The following NXPH1 variants were observed in gnomAD, a reference collection of about 807,000 sequenced individuals.
The protein encoded by NXPH1 is neurexophilin 1.
Under a neutral mutation model 23.7 loss-of-function variants are expected in NXPH1, and 5 were observed. That is an observed-to-expected ratio of 0.21 (90% confidence interval 0.11 to 0.44). NXPH1 has a LOEUF of 0.44. Ranked by LOEUF, NXPH1 falls within the 20% of genes least tolerant of loss-of-function variation. The probability of loss-of-function intolerance (pLI) is 0.99; values close to 1 mark genes in which losing one functional copy is unlikely to be tolerated. For missense variants in NXPH1, 324 were observed against 321.6 expected (o/e 1.01, Z -0.06); for synonymous variants, 144 against 122.2 (o/e 1.18, Z -1.18).
chr7:8,706,083 C>A (rs779824009), intron 2 of NXPH1, among the ~76,000 whole-genome samples: 3 of 152,130 alleles, frequency 2.0e-5, no homozygotes, highest in Non-Finnish European at 4.4e-5. Context: ...TTCTTAAAAA[C>A]CCTTATAGGA....
In NXPH1 at chr7:8,625,085, A is replaced by G. The variant is rs148295127; in HGVS notation, c.55-125923A>G. On this transcript the variant is annotated intron_variant, in intron 2 of 2. Transcript: ENST00000405863. The stretch of plus-strand genomic sequence containing the variant: ...ATTGTAGTGTCATTTTCAGCTTCCT[A>G]TGTGTCACAGTTGCTTTGACTATAG... Among the ~76,000 whole-genome samples the G allele has an allele frequency of 4.1e-3, 627 of 152,202 alleles. 3 individuals are homozygous for G. The highest frequency in any genetic ancestry group is 0.014 in the African/African-American group (600 of 41,546).
chr7:8,527,360 G>T (rs187381254), intron 2 of NXPH1, among the ~76,000 whole-genome samples: 69 of 152,332 alleles, frequency 4.5e-4, no homozygotes, highest in Admixed American at 1.2e-3. Context: ...GGGGCACTCA[G>T]TGAAGCTCAG....
intron 2 of NXPH1, among the ~76,000 whole-genome samples, chr7:8,581,794 G>T (rs772586392): frequency 6.6e-6 from 1 of 152,124 alleles, no homozygotes; most frequent in Admixed American, 6.5e-5. Context: ...GGGAGGGAGA[G>T]TACAGGAGGT....
intron 2 of NXPH1, among the ~76,000 whole-genome samples, chr7:8,707,350 T>C (rs946230108): frequency 1.3e-5 from 2 of 152,180 alleles, no homozygotes; most frequent in Non-Finnish European, 2.9e-5. Context: ...CAACATTTCC[T>C]ATGTATTTAC....
chr7:8,448,818 GAAAAA>G (rs34098217), intron 2 of NXPH1, among the ~76,000 whole-genome samples: 4 of 106,062 alleles, frequency 3.8e-5, no homozygotes, highest in African/African-American at 1.4e-4. Context: ...TCGTCTCGGG[GAAAAA>G]AAAAAAAAAA....
chr7:8,597,475 G>A (rs561583927), intron 2 of NXPH1, among the ~76,000 whole-genome samples: 2 of 151,942 alleles, frequency 1.3e-5, no homozygotes, highest in Non-Finnish European at 2.9e-5. Flanking sequence ...AATAAAGGTT[G>A]TACAATTACT....
At chr7:8,436,627 TGGGAATGG>T (rs1377379099) in intron 2 of NXPH1, among the ~76,000 whole-genome samples, 1 of 151,528 alleles carries the variant, frequency 6.6e-6, no homozygotes, top group African/African-American at 2.4e-5. Context: ...GCTTCTGGGG[TGGGAATGG>T]GGGAATGGGG....
At chr7:8,469,269 T>C (rs1476188765) in intron 2 of NXPH1, among the ~76,000 whole-genome samples, 2 of 152,068 alleles carry the variant, frequency 1.3e-5, no homozygotes, top group African/African-American at 2.4e-5. Flanking sequence ...CATGAATTTA[T>C]CTAGACTTTG....
At chr7:8,646,802 T>C (rs967106190) in intron 2 of NXPH1, among the ~76,000 whole-genome samples, 1 of 152,138 alleles carries the variant, frequency 6.6e-6, no homozygotes, top group African/African-American at 2.4e-5. Flanking sequence ...TTATGTTTAT[T>C]ATTTATTTTT....
intron 2 of NXPH1, among the ~76,000 whole-genome samples, chr7:8,550,101 T>C (rs1201529957): frequency 1.3e-5 from 2 of 151,512 alleles, no homozygotes; most frequent in East Asian, 2.0e-4. Context: ...GTTATAAAAC[T>C]TGCCTGCGGT....
chr7:8,567,337 T>A (rs572541917), intron 2 of NXPH1, among the ~76,000 whole-genome samples: 1 of 152,058 alleles, frequency 6.6e-6, no homozygotes, highest in South Asian at 2.1e-4. Context: ...TCTGGTCAAA[T>A]CATTTCTGCA....
chr7:8,640,493 C>T lies in NXPH1; in HGVS notation c.55-110515C>T, dbSNP rs186232476. Among the ~76,000 whole-genome samples the T allele has an allele frequency of 2.8e-3, 429 of 151,772 alleles. 4 individuals carry two copies. The highest frequency in any genetic ancestry group is 9.6e-3 in the African/African-American group (399 of 41,468). The stretch of plus-strand genomic sequence containing the variant: ...CTTTCTTTGATCTAGTCATACATTT[C>T]TGTATCCTGTACTTCTTTACTTGTC... On this transcript the variant is annotated intron_variant, in intron 2 of 2. Transcript: ENST00000405863.
intron 2 of NXPH1, among the ~76,000 whole-genome samples, chr7:8,499,284 A>G (rs1311558381): frequency 1.3e-5 from 2 of 152,116 alleles, no homozygotes; most frequent in East Asian, 3.9e-4. Flanking sequence ...GACAGCACAG[A>G]CAGAATGCCC....
At chr7:8,662,509 T>G (rs1321936529) in intron 2 of NXPH1, among the ~76,000 whole-genome samples, 1 of 152,104 alleles carries the variant, frequency 6.6e-6, no homozygotes, top group Non-Finnish European at 1.5e-5. Flanking sequence ...ATGATTCTAT[T>G]TCCTAAATAA....
At chr7:8,449,036 T>C (rs942682435) in intron 2 of NXPH1, among the ~76,000 whole-genome samples, 2 of 152,252 alleles carry the variant, frequency 1.3e-5, no homozygotes, top group African/African-American at 4.8e-5. Flanking sequence ...TAAATTACTT[T>C]TAACATTTGA....
intron 2 of NXPH1, among the ~76,000 whole-genome samples, chr7:8,464,290 C>G (rs955209920): frequency 2.0e-5 from 3 of 152,158 alleles, no homozygotes; most frequent in Non-Finnish European, 4.4e-5. Flanking sequence ...GACCACTTGC[C>G]ACTTCCATCT....
At chr7:8,524,795 G>A (rs1370541456) in intron 2 of NXPH1, among the ~76,000 whole-genome samples, 1 of 152,136 alleles carries the variant, frequency 6.6e-6, no homozygotes, top group Non-Finnish European at 1.5e-5. Flanking sequence ...CTGCCACCAT[G>A]TAAGATGTGA....
At chr7:8,600,803 G>T (rs1475538095) in intron 2 of NXPH1, among the ~76,000 whole-genome samples, 1 of 151,968 alleles carries the variant, frequency 6.6e-6, no homozygotes, top group African/African-American at 2.4e-5. Context: ...CAAACACTTT[G>T]TTTAAAAACA....
intron 2 of NXPH1, among the ~76,000 whole-genome samples, chr7:8,460,870 C>T (rs1034258665): frequency 6.6e-6 from 1 of 152,186 alleles, no homozygotes; most frequent in Non-Finnish European, 1.5e-5. Context: ...GTGATCATCT[C>T]CTAAGACTTT....
Sources: allele counts gnomAD v4.1 joint callset (sites outside exome capture counted in the v4.1 genomes callset), GRCh38; gene constraint gnomAD v4.1.1; transcripts MANE v1.5; gene names NCBI Gene and HGNC (gene_info 2026-07-23, HGNC 2026-07-21).